The following RIN2 variants were observed in gnomAD, a reference collection of about 807,000 sequenced individuals.
RIN2 encodes RAB5 interacting protein 2.
A neutral mutation model predicts 78.0 loss-of-function variants in RIN2; 36 were observed. The ratio of observed to expected loss-of-function variants is 0.46; its 90% confidence interval spans 0.35 to 0.61. The LOEUF is 0.61. RIN2 is among the 20% of genes least tolerant of loss of function. The probability of loss-of-function intolerance (pLI) is 0.00; values close to 1 mark genes in which losing one functional copy is unlikely to be tolerated. For synonymous variants in RIN2, 466 were observed against 466.8 expected (o/e 1.00, Z 0.02); for missense variants, 1,087 against 1,159.7 (o/e 0.94, Z 0.91).
intron 2 of RIN2, among the ~76,000 whole-genome samples, chr20:19,816,794 G>T (rs971977699): frequency 4.6e-5 from 7 of 152,160 alleles, no homozygotes; most frequent in African/African-American, 1.7e-4. Flanking sequence ...AGAGGACATT[G>T]ATACAATTCC....
intron 2 of RIN2, among the ~76,000 whole-genome samples, chr20:19,845,587 T>G (rs77381462): frequency 2.0e-5 from 3 of 151,938 alleles, no homozygotes; most frequent in African/African-American, 7.2e-5. Context: ...TTTTTTTTTT[T>G]TGTAAATTTG....
chr20:19,788,432 C>CAAAAAAA (rs1224663738), intron 1 of RIN2, among the ~76,000 whole-genome samples: 32 of 53,710 alleles, frequency 6.0e-4, no homozygotes, highest in African/African-American at 9.9e-4. Context: ...CTGTCTCTGC[C>CAAAAAAA]AAAAAAAAAA....
At chr20:19,944,690 CT>C (rs11474376) in intron 4 of RIN2, among the ~76,000 whole-genome samples, 22 of 149,066 alleles carry the variant, frequency 1.5e-4, no homozygotes, top group Admixed American at 6.7e-4. Flanking sequence ...AGAGAAGTGG[CT>C]TTTTTTTTTC....
intron 1 of RIN2, among the ~76,000 whole-genome samples, chr20:19,762,742 C>T (rs1367825404): frequency 6.6e-6 from 1 of 150,956 alleles, no homozygotes; most frequent in Non-Finnish European, 1.5e-5. Flanking sequence ...GGAAGAAACA[C>T]TGAATGTGAT....
At chr20:19,948,948 A>G (rs1393596281) in intron 4 of RIN2, among the ~76,000 whole-genome samples, 1 of 151,962 alleles carries the variant, frequency 6.6e-6, no homozygotes, top group African/African-American at 2.4e-5. Context: ...GATTATAGGT[A>G]CAGGCCACTG....
chr20:19,869,665 G>A (rs2037622150), intron 2 of RIN2, among the ~76,000 whole-genome samples: 1 of 151,104 alleles, frequency 6.6e-6, no homozygotes, highest in African/African-American at 2.4e-5. Flanking sequence ...TCGCTCTGGG[G>A]CCCAAGCTGG....
intron 4 of RIN2, among the ~76,000 whole-genome samples, chr20:19,954,321 T>C (rs1202285020): frequency 6.6e-6 from 1 of 152,198 alleles, no homozygotes; most frequent in Non-Finnish European, 1.5e-5. Flanking sequence ...CCTTTGGGTT[T>C]AGAGGATTGA....
intron 2 of RIN2, among the ~76,000 whole-genome samples, chr20:19,869,031 G>A (rs1267405985): frequency 1.1e-4 from 15 of 137,090 alleles, no homozygotes; most frequent in African/African-American, 2.5e-4. Flanking sequence ...CAGTTGAGCC[G>A]AGATCACGCC....
intron 1 of RIN2, among the ~76,000 whole-genome samples, chr20:19,763,708 G>C (rs1600391123): frequency 1.3e-5 from 2 of 152,124 alleles, no homozygotes; most frequent in Non-Finnish European, 2.9e-5. Flanking sequence ...TCTTATTCTG[G>C]TCAAAAAGCT....
intron 2 of RIN2, among the ~76,000 whole-genome samples, chr20:19,818,510 G>A (rs2035833624): frequency 6.6e-6 from 1 of 152,182 alleles, no homozygotes; most frequent in African/African-American, 2.4e-5. Context: ...AAGGTGGGCG[G>A]ATCACAAGGT....
chr20:19,880,818 G>C (rs1307848767), intron 2 of RIN2, among the ~76,000 whole-genome samples: 2 of 152,172 alleles, frequency 1.3e-5, no homozygotes, highest in Non-Finnish European at 2.9e-5. Flanking sequence ...ACAAGCAGAT[G>C]AGATCTCTAA....
intron 7 of RIN2, among the ~76,000 whole-genome samples, chr20:19,967,359 C>G (rs186534732): frequency 1.3e-5 from 2 of 152,294 alleles, no homozygotes. Flanking sequence ...GTTTCTCTTT[C>G]TATGCTACTC....
At chr20:19,941,638 G>C (rs528381883) in intron 4 of RIN2, among the ~76,000 whole-genome samples, 1 of 152,028 alleles carries the variant, frequency 6.6e-6, no homozygotes, top group East Asian at 1.9e-4. Flanking sequence ...GACATTTTCC[G>C]GCTATGTCAC....
chr20:19,991,361 G>T (rs1443795532), intron 10 of RIN2, among the ~76,000 whole-genome samples: 1 of 152,182 alleles, frequency 6.6e-6, no homozygotes, highest in Non-Finnish European at 1.5e-5. Context: ...AAATAATTCA[G>T]AAGGATTATG....
At chr20:19,889,453 C>T (rs2038342125) in intron 2 of RIN2, 113 bp from the exon 3 acceptor site, 1 of 1,182,952 alleles carries the variant, frequency 8.5e-7, no homozygotes, top group Non-Finnish European at 1.2e-6. Context: ...ATAAATGGCA[C>T]TGTGTTGTTG....
chr20:19,975,948 G>C lies in RIN2; in HGVS notation c.1762+161G>C, dbSNP rs1256531473. Among the ~76,000 whole-genome samples, 1 of 152,172 alleles carries C rather than the reference G, an allele frequency of 6.6e-6. No individual in the cohort carries two copies. The highest frequency in any genetic ancestry group is 2.4e-5 in the African/African-American group (1 of 41,426). On this transcript the variant is annotated intron_variant, in intron 9 of 12. Transcript: ENST00000255006. The surrounding 1 kb of genome is among the most constrained non-coding windows in gnomAD (Gnocchi z 4.9). ...ATGGAAAAATCAGTTTCTCAAAGTAGCTGCTGACTGCCAGACTCAAAAATG... is the reference window on the plus strand; with the variant it reads ...ATGGAAAAATCAGTTTCTCAAAGTACCTGCTGACTGCCAGACTCAAAAATG...
At chr20:19,769,743 A>G (rs558669606) in intron 1 of RIN2, among the ~76,000 whole-genome samples, 3 of 152,350 alleles carry the variant, frequency 2.0e-5, no homozygotes, top group African/African-American at 7.2e-5. Flanking sequence ...GCAGAATAAC[A>G]TGACAGGGCC....
Position 19,992,311 on chromosome 20 carries a change from T to C in RIN2, c.2200+12T>C. On this transcript the variant is annotated intron_variant, in intron 11 of 12. Coordinates refer to ENST00000255006, the MANE Select transcript of RIN2 (RefSeq NM_018993.4). Reference sequence around the variant, plus strand: ...GTTACATGGAGAAGGTAACTGCTTTTGAGAAAAGTTGAAGGAACTGGGTGC... The same window carrying C: ...GTTACATGGAGAAGGTAACTGCTTTCGAGAAAAGTTGAAGGAACTGGGTGC... 1 of 1,545,106 alleles carries C rather than the reference T, an allele frequency of 6.5e-7. No individual in the cohort carries two copies. Among genetic ancestry groups the C allele is most frequent in the South Asian group, 1.2e-5 (1 of 81,684 alleles).
At chr20:19,924,333 A>C (rs1187553227) in intron 3 of RIN2, among the ~76,000 whole-genome samples, 11 of 4,628 alleles carry the variant, frequency 2.4e-3, no homozygotes, top group Non-Finnish European at 2.9e-3. Flanking sequence ...TTCATACCGC[A>C]CCTCTTCATA....
Sources: allele counts gnomAD v4.1 joint callset (sites outside exome capture counted in the v4.1 genomes callset), GRCh38; gene constraint gnomAD v4.1.1; non-coding constraint Gnocchi (gnomAD v3.1); transcripts MANE v1.5; gene names NCBI Gene and HGNC (gene_info 2026-07-23, HGNC 2026-07-21).